The following DLGAP1 variants were observed in gnomAD, a reference collection of about 807,000 sequenced individuals.
DLGAP1 encodes the protein DLG associated protein 1, also known as disks large-associated protein 1.
Under a neutral mutation model 90.8 loss-of-function variants are expected in DLGAP1, and 11 were observed. The ratio of observed to expected loss-of-function variants is 0.12; its 90% CI spans 0.08 to 0.20. The LOEUF (loss-of-function observed/expected upper bound fraction) is 0.20. DLGAP1 is among the 10% of genes least tolerant of loss of function. The pLI is 1.00. For synonymous variants in DLGAP1, 558 were observed against 540.7 expected (o/e 1.03, Z -0.44); for missense variants, 1,050 against 1,333.8 (o/e 0.79, Z 3.31).
At chr18:4,351,705 T>G (rs2081405925) in intron 1 of DLGAP1, among the ~76,000 whole-genome samples, 1 of 152,206 alleles carries the variant, frequency 6.6e-6, no homozygotes, top group Non-Finnish European at 1.5e-5. Context: ...TATCAAAGTA[T>G]GAGTTTCATC....
intron 1 of DLGAP1, among the ~76,000 whole-genome samples, chr18:4,377,259 G>T (rs764667141): frequency 6.6e-6 from 1 of 152,116 alleles, no homozygotes; most frequent in Non-Finnish European, 1.5e-5. Context: ...CCTGCCTCTT[G>T]CAAACTGGAG....
intron 7 of DLGAP1, among the ~76,000 whole-genome samples, chr18:3,636,499 C>T (rs375175148): frequency 5.9e-5 from 9 of 151,644 alleles, no homozygotes; most frequent in South Asian, 4.1e-4. Flanking sequence ...GTAACCTCCA[C>T]CTCCCGGGTT....
intron 5 of DLGAP1, among the ~76,000 whole-genome samples, chr18:3,760,966 T>C (rs986192665): frequency 3.9e-5 from 6 of 152,334 alleles, no homozygotes; most frequent in Admixed American, 3.3e-4. Context: ...AAGCCACAGC[T>C]TCCTCTTTAA....
At chr18:4,422,430 A>T (rs976079893) in intron 1 of DLGAP1, among the ~76,000 whole-genome samples, 1 of 150,836 alleles carries the variant, frequency 6.6e-6, no homozygotes, top group East Asian at 1.9e-4. Context: ...TAATACTGGA[A>T]TTGTATCCAA....
At chr18:4,392,978 T>C (rs1179935117) in intron 1 of DLGAP1, among the ~76,000 whole-genome samples, 1 of 152,168 alleles carries the variant, frequency 6.6e-6, no homozygotes, top group Non-Finnish European at 1.5e-5. Flanking sequence ...TCATGTGTAC[T>C]GTATTTCCAA....
intron 3 of DLGAP1, among the ~76,000 whole-genome samples, chr18:3,977,485 C>T (rs75872904): frequency 0.01 from 1,115 of 111,040 alleles, 13 homozygotes; most frequent in African/African-American, 0.039. Flanking sequence ...TTGATGTACA[C>T]AATGAGGTAG....
chr18:4,333,765 G>A (rs149538263), intron 1 of DLGAP1, among the ~76,000 whole-genome samples: 10 of 150,786 alleles, frequency 6.6e-5, no homozygotes, highest in South Asian at 4.2e-4. Context: ...AACTACAGGC[G>A]CCCACCACCA....
At chr18:4,251,553 C>T (rs1045551266) in intron 1 of DLGAP1, among the ~76,000 whole-genome samples, 1 of 152,124 alleles carries the variant, frequency 6.6e-6, no homozygotes, top group Non-Finnish European at 1.5e-5. Context: ...TAAGCAGATG[C>T]CCATGACAGT....
At chr18:4,000,637 A>G (rs931691215) in intron 3 of DLGAP1, among the ~76,000 whole-genome samples, 2 of 152,204 alleles carry the variant, frequency 1.3e-5, no homozygotes, top group African/African-American at 2.4e-5. Flanking sequence ...TTGTGTGTTT[A>G]TTAAGAATTG....
intron 3 of DLGAP1, among the ~76,000 whole-genome samples, chr18:3,991,043 G>A (rs548452596): frequency 1.3e-5 from 2 of 152,090 alleles, no homozygotes; most frequent in East Asian, 1.9e-4. Context: ...TGTTACATGA[G>A]TAAATTGTGT....
In DLGAP1 at chr18:3,534,481, G is replaced by C. The variant is rs1213900117; in HGVS notation, c.2192C>G (p.Ser731Cys). 2 of 1,614,078 alleles carry C rather than the reference G, an allele frequency of 1.2e-6. No homozygotes were observed. Among genetic ancestry groups the C allele is most frequent in the Non-Finnish European group, 1.7e-6 (2 of 1,180,032 alleles). ...SCPGPMARQF[S>C]RDASTSTVSI... is the part of the protein sequence containing the mutation. ...GACTGTGGAGGTGCTGGCATCGCGG[G>C]AGAACTGTCTGGCCATGGGGCCAGG... Residue 731 changes from serine to cysteine, a missense_variant, in exon 10 of 13, where the codon TCC becomes TGC. Ser to Cys is a moderately radical substitution (Grantham distance 112). This residue lies in a region of DLGAP1 where 565 missense variants were observed against 879.7 expected (regional missense o/e 0.64). Coordinates refer to ENST00000315677, the MANE Select transcript of DLGAP1 (RefSeq NM_004746.4).
At chr18:3,669,344 C>G (rs1450895801) in intron 7 of DLGAP1, among the ~76,000 whole-genome samples, 1 of 152,046 alleles carries the variant, frequency 6.6e-6, no homozygotes, top group Non-Finnish European at 1.5e-5. Context: ...CCCCACGGAC[C>G]TAGGCGAGGA....
chr18:4,256,213 C>T (rs2078884131), intron 1 of DLGAP1, among the ~76,000 whole-genome samples: 1 of 152,070 alleles, frequency 6.6e-6, no homozygotes, highest in Non-Finnish European at 1.5e-5. Context: ...AATGAGATGC[C>T]ATCTCTACAA....
chr18:3,708,542 C>G lies in DLGAP1; in HGVS notation c.1591+20593G>C, dbSNP rs770002284. On this transcript the variant is annotated intron_variant, in intron 7 of 12. Coordinates refer to ENST00000315677, the MANE Select transcript of DLGAP1 (RefSeq NM_004746.4). The stretch of plus-strand genomic sequence containing the variant: ...CAAGTGTCTCATTTCTGCTCCGTTT[C>G]CTGCCTCTTCCTCTCCAAGAGCACC... The G allele has an allele frequency of 8.8e-6, 4 of 456,474 alleles. No homozygotes were observed. The Admixed American group carries it at 9.4e-5, about 11-fold the overall frequency. 28.3% of individuals were successfully genotyped at this position (456,474 alleles called of 1,614,324 possible).
chr18:3,558,080 G>A (rs588682), intron 9 of DLGAP1, among the ~76,000 whole-genome samples: 109,773 of 152,188 alleles, frequency 0.72, 43,557 homozygotes, highest in Non-Finnish European at 0.87. Context: ...TAGCTGTTCA[G>A]TAGTGTTGTT....
At chr18:3,797,178 A>T (rs1226686411) in intron 5 of DLGAP1, among the ~76,000 whole-genome samples, 2 of 152,082 alleles carry the variant, frequency 1.3e-5, no homozygotes, top group Non-Finnish European at 2.9e-5. Context: ...CTAAAATACA[A>T]AAAATTAGCT....
chr18:4,127,267 G>C (rs1357968126), intron 2 of DLGAP1, among the ~76,000 whole-genome samples: 1 of 152,114 alleles, frequency 6.6e-6, no homozygotes, highest in African/African-American at 2.4e-5. Flanking sequence ...TGAGAAAATA[G>C]ATTAGCAGTC....
chr18:3,558,146 A>G (rs2053866160), intron 9 of DLGAP1, among the ~76,000 whole-genome samples: 1 of 152,344 alleles, frequency 6.6e-6, no homozygotes, highest in South Asian at 2.1e-4. Context: ...CATTTCTGAT[A>G]GAGAATTGTT....
At chr18:3,600,775 G>GATATATAGATATATAGATATATAGAT (rs1568278003) in intron 7 of DLGAP1, among the ~76,000 whole-genome samples, 184 of 11,094 alleles carry the variant, frequency 0.017, 37 homozygotes, top group African/African-American at 0.055. Context: ...GATATATATA[G>GATATATAGATATATAGATATATAGAT]ATATATAGAT....
Sources: gnomAD v4.1 joint callset for allele counts (sites outside exome capture counted in the v4.1 genomes callset) on GRCh38, gnomAD v4.1.1 for gene constraint, gnomAD v4.1.1 regional missense constraint, MANE v1.5 for transcripts, NCBI Gene and HGNC (gene_info 2026-07-23, HGNC 2026-07-21) for gene names.